Variants in PRKAR1B observed in about 807,000 individuals in gnomAD.
PRKAR1B encodes cAMP-dependent protein kinase type I-beta regulatory subunit.
A neutral mutation model predicts 46.5 loss-of-function variants in PRKAR1B; 22 were observed. The observed-to-expected ratio is 0.47, with a 90% CI of 0.34 to 0.68. PRKAR1B has a LOEUF of 0.68. Ranked by LOEUF, PRKAR1B falls within the 30% of genes least tolerant of loss-of-function variation. The pLI, the probability that PRKAR1B is intolerant of heterozygous loss-of-function variation, is 0.01. For missense variants in PRKAR1B, 445 were observed against 535.6 expected (o/e 0.83, Z 1.67); for synonymous variants, 259 against 217.7 (o/e 1.19, Z -1.67).
intron 2 of PRKAR1B, among the ~76,000 whole-genome samples, chr7:691,106 CGCCCACCCACACTG>C (rs1779394265): frequency 6.6e-6 from 1 of 151,962 alleles, no homozygotes; most frequent in Non-Finnish European, 1.5e-5. Context: ...AAGGGTCCCA[CGCCCACCCACACTG>C]GCCAGTCCGC....
rs34771933 is a variant in PRKAR1B, at chr7:665,425, C to T, written c.440+11804G>A. ...GGGAGCTCTAGAAAGACAACATGCC[C>T]GAGGCCCATGGCCCAGGGACTGGCC... is the stretch of plus-strand genomic sequence containing the variant. On this transcript the variant is annotated intron_variant, in intron 4 of 10. Coordinates refer to ENST00000537384, the MANE Select transcript of PRKAR1B (RefSeq NM_001164760.2). Among the ~76,000 whole-genome samples, 1,120 of 152,196 alleles carry T rather than the reference C, an allele frequency of 7.4e-3. 17 individuals are homozygous for T. The highest frequency in any genetic ancestry group is 0.046 in the East Asian group (236 of 5,156).
chr7:557,128 C>T (rs533501183), intron 9 of PRKAR1B, among the ~76,000 whole-genome samples: 9 of 152,214 alleles, frequency 5.9e-5, no homozygotes, highest in East Asian at 5.8e-4. Context: ...GTCTCCTCAG[C>T]GGAGTCTGGT....
chr7:557,702 G>A (rs1488354725), intron 9 of PRKAR1B, among the ~76,000 whole-genome samples: 4 of 152,294 alleles, frequency 2.6e-5, no homozygotes, highest in East Asian at 1.9e-4. Flanking sequence ...GACGCACCAC[G>A]GTCTCTCAAG....
At chr7:695,030 C>CAAA (rs924223625) in intron 2 of PRKAR1B, among the ~76,000 whole-genome samples, 9 of 78,580 alleles carry the variant, frequency 1.1e-4, no homozygotes, top group African/African-American at 3.5e-4. Context: ...GACTCCGTCT[C>CAAA]AAAAAAAAAA....
rs937152492 is a variant in PRKAR1B, at chr7:556,024, G to A, written c.892-4554C>T. ...CTCATCCCAGCAGTGCGGCCCCTCCGGGCCCCTGTCTCCCTCTTGCATATG... is the reference window on the plus strand; with the variant it reads ...CTCATCCCAGCAGTGCGGCCCCTCCAGGCCCCTGTCTCCCTCTTGCATATG... On this transcript the variant is annotated intron_variant, in intron 9 of 10. Coordinates refer to ENST00000537384, the MANE Select transcript of PRKAR1B (RefSeq NM_001164760.2). Among the ~76,000 whole-genome samples, 6 of 152,024 alleles carry A rather than the reference G, an allele frequency of 3.9e-5. No homozygotes were observed. The East Asian group carries it at 7.7e-4, about 20-fold the overall frequency.
intron 2 of PRKAR1B, among the ~76,000 whole-genome samples, chr7:695,425 G>A (rs1476607918): frequency 2.6e-5 from 4 of 152,080 alleles, no homozygotes; most frequent in Admixed American, 6.5e-5. Context: ...AGAGAGCCCC[G>A]TGCCGGTCAG....
At chr7:555,413 G>A (rs573009800) in intron 9 of PRKAR1B, among the ~76,000 whole-genome samples, 2 of 152,298 alleles carry the variant, frequency 1.3e-5, no homozygotes, top group Admixed American at 6.5e-5. Context: ...ATCTCCTAGA[G>A]GCCATTTGGA....
intron 4 of PRKAR1B, among the ~76,000 whole-genome samples, chr7:634,397 G>A (rs1293731885): frequency 1.3e-5 from 2 of 152,042 alleles, no homozygotes; most frequent in Non-Finnish European, 2.9e-5. Flanking sequence ...AGGATCACTT[G>A]AGCCCAGCAG....
chr7:643,412 G>C (rs546028908), intron 4 of PRKAR1B, among the ~76,000 whole-genome samples: 2 of 151,388 alleles, frequency 1.3e-5, no homozygotes, highest in African/African-American at 4.9e-5. Context: ...ACGATCCTTC[G>C]CAGCTCACTC....
chr7:619,197 A>G (rs1232054715), intron 4 of PRKAR1B, among the ~76,000 whole-genome samples: 1 of 152,166 alleles, frequency 6.6e-6, no homozygotes, highest in Non-Finnish European at 1.5e-5. Flanking sequence ...CACAGCAGGG[A>G]GGCAACACGG....
intron 9 of PRKAR1B, among the ~76,000 whole-genome samples, chr7:567,605 CAGCAGCAGT>C (rs1369080267): frequency 2.6e-5 from 4 of 152,160 alleles, no homozygotes; most frequent in African/African-American, 7.2e-5. Context: ...GTGGTGGCAG[CAGCAGCAGT>C]AGCAGCAAAA....
At chr7:609,795 T>C (rs1043114029) in intron 4 of PRKAR1B, among the ~76,000 whole-genome samples, 11 of 152,102 alleles carry the variant, frequency 7.2e-5, no homozygotes, top group Admixed American at 3.9e-4. Flanking sequence ...GGCTGGAGTA[T>C]AGGGGTGCGA....
intron 2 of PRKAR1B, among the ~76,000 whole-genome samples, chr7:681,618 G>A (rs187877793): frequency 6.1e-4 from 93 of 152,236 alleles, no homozygotes; most frequent in African/African-American, 2.2e-3. Context: ...GTTGAGCCCC[G>A]AGTCACCGTG....
intron 4 of PRKAR1B, among the ~76,000 whole-genome samples, chr7:635,082 T>C (rs1443050309): frequency 6.6e-6 from 1 of 152,248 alleles, no homozygotes; most frequent in East Asian, 1.9e-4. Flanking sequence ...GGCTTCATGA[T>C]ACTCTCCTTG....
intron 9 of PRKAR1B, among the ~76,000 whole-genome samples, chr7:552,568 C>A (rs1784312439): frequency 6.6e-6 from 1 of 152,246 alleles, no homozygotes. Context: ...TTCCCGGCAC[C>A]TGTGACCAGG....
intron 4 of PRKAR1B, among the ~76,000 whole-genome samples, chr7:609,240 A>G (rs1782336021): frequency 6.6e-6 from 1 of 152,222 alleles, no homozygotes. Context: ...TCTAAACTGC[A>G]TTTCTTCAAA....
chr7:563,840 A>G (rs931413143), intron 9 of PRKAR1B, among the ~76,000 whole-genome samples: 2 of 150,874 alleles, frequency 1.3e-5, no homozygotes, highest in Non-Finnish European at 3.0e-5. Flanking sequence ...CACACGGATC[A>G]GTGTGTGTGC....
At chr7:601,197 AC>A (rs1031994961) in intron 6 of PRKAR1B, among the ~76,000 whole-genome samples, 1 of 152,226 alleles carries the variant, frequency 6.6e-6, no homozygotes, top group African/African-American at 2.4e-5. Flanking sequence ...CCTTCCCGCC[AC>A]GCAGAATAAA....
At chr7:590,074 G>C (rs886213103) in intron 7 of PRKAR1B, among the ~76,000 whole-genome samples, 4 of 152,226 alleles carry the variant, frequency 2.6e-5, no homozygotes, top group Non-Finnish European at 5.9e-5. Flanking sequence ...CGGTGGCCTG[G>C]CTCCCTGGGC....
Sources: allele counts gnomAD v4.1 joint callset (sites outside exome capture counted in the v4.1 genomes callset), GRCh38; gene constraint gnomAD v4.1.1; transcripts MANE v1.5; gene names NCBI Gene and HGNC (gene_info 2026-07-23, HGNC 2026-07-21).